The following CRKL variants were observed in gnomAD, a reference collection of about 807,000 sequenced individuals.
CRKL encodes the protein crk-like protein.
CRKL carries 3 observed loss-of-function variants against 23.0 expected under a neutral mutation model. The ratio of observed to expected loss-of-function variants is 0.13; its 90% CI spans 0.06 to 0.34. The LOEUF (loss-of-function observed/expected upper bound fraction) is 0.34, where lower values mean the gene tolerates loss of function less well. Ranked by LOEUF, CRKL falls within the 10% of genes least tolerant of loss-of-function variation. CRKL has a pLI of 1.00. For synonymous variants in CRKL, 188 were observed against 160.7 expected, an observed-to-expected ratio of 1.17 and a Z score of -1.28; for missense variants, 256 against 394.5, an observed-to-expected ratio of 0.65 and a Z score of 2.97.
chr22:20,918,377 C>G lies in CRKL; in HGVS notation c.311+132C>G, dbSNP rs560053306. 1.1e-3 allele frequency: 1,133 copies of G among 1,036,494 alleles called. 1 individual carries two copies. Among genetic ancestry groups the G allele is most frequent in the Non-Finnish European group, 1.4e-3 (1,032 of 729,276 alleles). The allele number at this position is 1,036,494 out of a possible 1,614,324, so 64.2% of individuals were successfully genotyped here. The stretch of plus-strand genomic sequence containing the variant: ...CTGAACCAAATTATTTTCCAGAAGG[C>G]CTTCCTAACAGAAAGCTAGTGTCAG... On this transcript the variant is annotated intron_variant, in intron 1 of 2. Transcript: ENST00000354336.
At chr22:20,937,825 G>T (rs1921718629) in intron 2 of CRKL, among the ~76,000 whole-genome samples, 1 of 151,934 alleles carries the variant, frequency 6.6e-6, no homozygotes, top group Non-Finnish European at 1.5e-5. Flanking sequence ...CCATTTAGTG[G>T]TATTTTGCTT....
Position 20,917,645 on chromosome 22 carries a change from A to C in CRKL, c.-290A>C. The C allele has an allele frequency of 9.0e-6, 4 of 442,200 alleles. No individual in the cohort carries two copies. The highest frequency in any genetic ancestry group is 7.8e-5 in the East Asian group (2 of 25,486). The allele number at this position is 442,200 out of a possible 1,614,324, so 27.4% of individuals were successfully genotyped here. On this transcript the variant is annotated 5_prime_UTR_variant, in exon 1 of 3. Transcript: ENST00000354336. ...CCCTGGGACGCCGAGCAGCCCGAGA[A>C]CCCCGGGGTGGCCTCCGCTGCGGCT...
chr22:20,941,570 G>A (rs368051581), intron 2 of CRKL, among the ~76,000 whole-genome samples: 16,372 of 37,876 alleles, frequency 0.43, 5,099 homozygotes, highest in South Asian at 0.68. Flanking sequence ...GTGTGTGTGT[G>A]TGTGTGTGTA....
chr22:20,927,513 C>CGTTTTTTTT (rs71186694), intron 1 of CRKL, among the ~76,000 whole-genome samples: 1 of 139,878 alleles, frequency 7.1e-6, no homozygotes, highest in African/African-American at 2.6e-5. Flanking sequence ...AGTTTTCTAC[C>CGTTTTTTTT]TTTTTTTTTT....
chr22:20,941,588 A>ATATATTTTTTTT (rs1247116681), intron 2 of CRKL, among the ~76,000 whole-genome samples: 2 of 33,554 alleles, frequency 6.0e-5, no homozygotes, highest in African/African-American at 1.2e-4. Context: ...GTATATATAT[A>ATATATTTTTTTT]TTTTTTTTTT....
chr22:20,937,729 C>A (rs1381042814), intron 2 of CRKL, among the ~76,000 whole-genome samples: 4 of 151,860 alleles, frequency 2.6e-5, no homozygotes, highest in African/African-American at 9.7e-5. Flanking sequence ...ACTAACCCAG[C>A]CAGCTGAGCT....
intron 1 of CRKL, among the ~76,000 whole-genome samples, chr22:20,924,764 T>TG (rs967666080): frequency 2.0e-5 from 3 of 152,042 alleles, no homozygotes; most frequent in African/African-American, 7.2e-5. Context: ...CACTTGAACC[T>TG]GGGGGGTGGA....
chr22:20,932,606 A>G (rs1436507297), intron 1 of CRKL, among the ~76,000 whole-genome samples: 1 of 152,156 alleles, frequency 6.6e-6, no homozygotes, highest in Non-Finnish European at 1.5e-5. Flanking sequence ...AGATTATAAA[A>G]ATAAATTTAA....
At chr22:20,919,835 G>T (rs1408617047) in intron 1 of CRKL, among the ~76,000 whole-genome samples, 1 of 151,340 alleles carries the variant, frequency 6.6e-6, no homozygotes, top group Admixed American at 6.6e-5. Flanking sequence ...TAGTGGGATA[G>T]AGATAGAAAA....
chr22:20,949,283 AC>A (rs1325843305), intron 2 of CRKL, among the ~76,000 whole-genome samples: 3 of 152,022 alleles, frequency 2.0e-5, no homozygotes, highest in East Asian at 1.9e-4. Flanking sequence ...GTACCACCAC[AC>A]CCGGCTAATT....
chr22:20,953,427 C>T lies in CRKL; in HGVS notation c.*3582C>T, dbSNP rs201239212. On this transcript the variant is annotated 3_prime_UTR_variant, in exon 3 of 3. Transcript: ENST00000354336. ...ACGGTCTTCACTGTGTGTTTTAAAA[C>T]AACAACAACAACAACAACAACAACA... The T allele has an allele frequency of 4.1e-5, 1 of 24,258 alleles. No homozygotes were observed. The highest frequency in any genetic ancestry group is 1.0e-4 in the Non-Finnish European group (1 of 9,648). The allele number at this position is 24,258 out of a possible 1,614,324, so 1.5% of individuals were successfully genotyped here.
intron 2 of CRKL, among the ~76,000 whole-genome samples, chr22:20,937,665 G>A (rs1401481373): frequency 1.3e-5 from 2 of 151,502 alleles, no homozygotes; most frequent in African/African-American, 2.4e-5. Context: ...GCCATACATA[G>A]TTCCTAGTCT....
chr22:20,929,521 T>C (rs977091641), intron 1 of CRKL, among the ~76,000 whole-genome samples: 1 of 151,680 alleles, frequency 6.6e-6, no homozygotes, highest in Non-Finnish European at 1.5e-5. Context: ...TGGAGTGCAG[T>C]GGCATGATCT....
Position 20,951,107 on chromosome 22 carries a change from C to T in CRKL, c.*1262C>T, listed in dbSNP as rs991268483. 2 of 232,206 alleles carry T rather than the reference C, an allele frequency of 8.6e-6. No homozygotes were observed. The highest frequency in any genetic ancestry group is 1.2e-3 in the Middle Eastern group (1 of 802). 14.4% of individuals were successfully genotyped at this position (232,206 alleles called of 1,614,324 possible). ...TGAATGTACCCCTTTAAGGTTCAGACTTAAACTTCCTTAAAAAGTGGCGTT... is the reference window on the plus strand; with the variant it reads ...TGAATGTACCCCTTTAAGGTTCAGATTTAAACTTCCTTAAAAAGTGGCGTT... On this transcript the variant is annotated 3_prime_UTR_variant, in exon 3 of 3. Coordinates refer to ENST00000354336, the MANE Select transcript of CRKL (RefSeq NM_005207.4).
chr22:20,941,338 T>C (rs966314488), intron 2 of CRKL, among the ~76,000 whole-genome samples: 3 of 151,870 alleles, frequency 2.0e-5, no homozygotes, highest in Non-Finnish European at 4.4e-5. Context: ...AGGATCCTCC[T>C]CCACCCTTCT....
At chr22:20,946,087 T>C (rs1922043691) in intron 2 of CRKL, among the ~76,000 whole-genome samples, 1 of 152,200 alleles carries the variant, frequency 6.6e-6, no homozygotes. Context: ...CAAGTTAGAA[T>C]TTATGATTCC....
intron 2 of CRKL, among the ~76,000 whole-genome samples, chr22:20,938,925 T>C (rs1158355091): frequency 6.6e-6 from 1 of 152,156 alleles, no homozygotes; most frequent in African/African-American, 2.4e-5. Context: ...ACAGATCGTG[T>C]GGAGGAAAAA....
intron 1 of CRKL, among the ~76,000 whole-genome samples, chr22:20,929,103 G>A (rs1921343291): frequency 6.6e-6 from 1 of 152,178 alleles, no homozygotes. Flanking sequence ...GGCAAAAAGT[G>A]AGAAGCATGG....
intron 1 of CRKL, among the ~76,000 whole-genome samples, chr22:20,923,502 C>T (rs910553116): frequency 1.2e-4 from 18 of 151,572 alleles, no homozygotes; most frequent in African/African-American, 4.4e-4. Context: ...TGGTCTCGAT[C>T]TCCTGACCTC....
Sources: gnomAD v4.1 joint callset for allele counts (sites outside exome capture counted in the v4.1 genomes callset) on GRCh38, gnomAD v4.1.1 for gene constraint, MANE v1.5 for transcripts, NCBI Gene and HGNC (gene_info 2026-07-23, HGNC 2026-07-21) for gene names.